Variants in MEIG1 observed in about 807,000 individuals in gnomAD.
The protein encoded by MEIG1 is meiosis expressed gene 1 protein homolog.
In MEIG1, 12 loss-of-function variants were observed where a neutral mutation model predicts 11.3. That is an observed-to-expected ratio of 1.07 (90% CI 0.68 to 1.73). The LOEUF (loss-of-function observed/expected upper bound fraction) is 1.73, where lower values mean the gene tolerates loss of function less well. Among genes scored for constraint, MEIG1 ranks in the 40% most tolerant of loss-of-function variants. MEIG1 has a pLI of 0.00. For synonymous variants in MEIG1, 41 were observed against 33.2 expected, an observed-to-expected ratio of 1.24 and a Z score of -0.81; for missense variants, 119 against 104.9, an observed-to-expected ratio of 1.13 and a Z score of -0.59.
upstream of MEIG1, among the ~76,000 whole-genome samples, chr10:14,955,681 G>C (rs1451987511): frequency 6.6e-6 from 1 of 152,176 alleles, no homozygotes; most frequent in Non-Finnish European, 1.5e-5. Flanking sequence ...CTGGGCAACA[G>C]AGAGAGACTC....
chr10:14,978,682 G>T (rs796645038), intron 1 of MEIG1, among the ~76,000 whole-genome samples: 1 of 151,948 alleles, frequency 6.6e-6, no homozygotes, highest in Non-Finnish European at 1.5e-5. Context: ...ATGTCACAGG[G>T]TGTGTACATC....
At chr10:14,975,703 C>A (rs564426070), downstream of MEIG1, among the ~76,000 whole-genome samples, 2 of 152,088 alleles carry the variant, frequency 1.3e-5, no homozygotes, top group Admixed American at 6.6e-5. Context: ...ACCCTACTCC[C>A]AATAGCACAG....
At chr10:14,964,612 C>T (rs868131425) in intron 1 of MEIG1, among the ~76,000 whole-genome samples, 9 of 123,202 alleles carry the variant, frequency 7.3e-5, no homozygotes, top group South Asian at 2.6e-4. Flanking sequence ...TATATATACA[C>T]ACACACACAC....
intron 1 of MEIG1, among the ~76,000 whole-genome samples, chr10:14,965,126 A>G (rs1011584388): frequency 4.3e-4 from 65 of 152,228 alleles, no homozygotes; most frequent in African/African-American, 1.6e-3. Flanking sequence ...CCTTTTAAAC[A>G]TAATGAGCAT....
chr10:14,957,033 G>A (rs1260881958), upstream of MEIG1, among the ~76,000 whole-genome samples: 1 of 152,104 alleles, frequency 6.6e-6, no homozygotes, highest in African/African-American at 2.4e-5. Flanking sequence ...CAGTCTAGAC[G>A]ACAAAAGAGA....
upstream of MEIG1, among the ~76,000 whole-genome samples, chr10:14,958,871 G>A (rs1214244904): frequency 6.6e-6 from 1 of 152,120 alleles, no homozygotes; most frequent in African/African-American, 2.4e-5. Context: ...ACTCCAGCCT[G>A]GGCGACGGAG....
chr10:14,972,773 C>T lies in MEIG1; in HGVS notation c.*132C>T. On this transcript the variant is annotated 3_prime_UTR_variant, in exon 3 of 3. Transcript: ENST00000407572. ...TTAATGTTTTGTGAAACACAAAAGC[C>T]ATGAGAATTGGTATCTGCTAATCAC... The T allele has an allele frequency of 1.1e-6, 1 of 878,924 alleles. No individual in the cohort carries two copies. The highest frequency in any genetic ancestry group is 1.7e-6 in the Non-Finnish European group (1 of 594,346). 54.4% of individuals were successfully genotyped at this position (878,924 alleles called of 1,614,324 possible). A position where few individuals can be genotyped will look rare whatever the true frequency, so the allele number is the denominator to read the frequency against.
chr10:14,964,585 G>GTATATATATATA (rs1240178960), intron 1 of MEIG1, among the ~76,000 whole-genome samples: 2 of 93,042 alleles, frequency 2.1e-5, no homozygotes, highest in African/African-American at 7.9e-5. Context: ...GTGTGTGTGT[G>GTATATATATATA]TATATATATA....
At chr10:14,964,608 T>TACAC (rs1220258184) in intron 1 of MEIG1, among the ~76,000 whole-genome samples, 15 of 90,726 alleles carry the variant, frequency 1.7e-4, no homozygotes, top group African/African-American at 4.8e-4. Flanking sequence ...TATATATATA[T>TACAC]ACACACACAC....
chr10:14,954,955 G>A (rs1360393970), upstream of MEIG1, among the ~76,000 whole-genome samples: 1 of 152,080 alleles, frequency 6.6e-6, no homozygotes, highest in African/African-American at 2.4e-5. Flanking sequence ...TTATTCAGTT[G>A]GGGTCTAGTT....
At chr10:14,987,228 C>A in intron 2 of MEIG1, 1 of 958,628 alleles carries the variant, frequency 1.0e-6, no homozygotes, top group Non-Finnish European at 1.7e-6. Flanking sequence ...CCGATGTCAG[C>A]CCAGCACAGG....
chr10:14,972,493 C>T lies in MEIG1; in HGVS notation c.139-20C>T, dbSNP rs1843163129. ...TCAACCCTCCATTGTAACGTTTGTA[C>T]TCTGGTTCTTGATGTGCAGGTAGAT... On this transcript the variant is annotated intron_variant, in intron 2 of 2. Coordinates refer to ENST00000407572, the MANE Select transcript of MEIG1 (RefSeq NM_001080836.3). 1.9e-6 allele frequency: 3 copies of T among 1,613,832 alleles called. No homozygotes were observed. Among genetic ancestry groups the T allele is most frequent in the Non-Finnish European group, 2.5e-6 (3 of 1,179,834 alleles).
At chr10:14,976,090 C>G (rs188840657), downstream of MEIG1, among the ~76,000 whole-genome samples, 1 of 152,114 alleles carries the variant, frequency 6.6e-6, no homozygotes, top group African/African-American at 2.4e-5. Flanking sequence ...CGGGGGGCGT[C>G]CGCCCCCTTG....
At chr10:14,979,417 T>G (rs1264640029) in intron 1 of MEIG1, among the ~76,000 whole-genome samples, 1 of 151,834 alleles carries the variant, frequency 6.6e-6, no homozygotes, top group Non-Finnish European at 1.5e-5. Flanking sequence ...TGCCCTGGGA[T>G]AGTATTCACA....
chr10:14,962,408 G>C (rs907670681), intron 1 of MEIG1, among the ~76,000 whole-genome samples: 1 of 152,072 alleles, frequency 6.6e-6, no homozygotes, highest in African/African-American at 2.4e-5. Context: ...AGGTATTTTG[G>C]GAAAATAAAA....
At chr10:14,966,715 C>G (rs932393307) in intron 2 of MEIG1, 109 bp downstream of exon 2, 1 of 989,166 alleles carries the variant, frequency 1.0e-6, no homozygotes, top group Non-Finnish European at 1.5e-6. Flanking sequence ...CTCCAACTCT[C>G]TCATTTTATT....
chr10:14,961,282 G>T (rs533824342), intron 1 of MEIG1, among the ~76,000 whole-genome samples: 2 of 152,234 alleles, frequency 1.3e-5, no homozygotes, highest in South Asian at 4.1e-4. Flanking sequence ...TGGTTGCGTG[G>T]GTACTCGAAT....
At chr10:14,987,747 G>GA (rs1385523561) in intron 2 of MEIG1, 5 of 202,522 alleles carry the variant, frequency 2.5e-5, no homozygotes, top group African/African-American at 4.7e-5. Context: ...ACTCTTTTCA[G>GA]AAAAAACACA....
chr10:14,956,981 G>A (rs1842959065), upstream of MEIG1, among the ~76,000 whole-genome samples: 1 of 152,154 alleles, frequency 6.6e-6, no homozygotes, highest in South Asian at 2.1e-4. Flanking sequence ...CTTGAACCTG[G>A]AGGCAGAGAT....
Sources: allele counts gnomAD v4.1 joint callset (sites outside exome capture counted in the v4.1 genomes callset), GRCh38; gene constraint gnomAD v4.1.1; transcripts MANE v1.5; gene names NCBI Gene and HGNC (gene_info 2026-07-23, HGNC 2026-07-21).